Variants in CNTN4 observed in about 807,000 individuals in gnomAD.
CNTN4 encodes the protein contactin 4.
In CNTN4, 77 loss-of-function variants were observed where a neutral mutation model predicts 122.5. The ratio of observed to expected loss-of-function variants is 0.63; its 90% CI spans 0.52 to 0.76. The LOEUF is 0.76. CNTN4 is among the 30% of genes least tolerant of loss of function. The pLI is 0.00. For missense variants in CNTN4, 1,256 were observed against 1,259.1 expected, an observed-to-expected ratio of 1.00 and a Z score of 0.04; for synonymous variants, 512 against 447.0, an observed-to-expected ratio of 1.15 and a Z score of -1.83.
intron 3 of CNTN4, among the ~76,000 whole-genome samples, chr3:2,571,077 G>C (rs1293099948): frequency 4.6e-5 from 7 of 151,840 alleles, no homozygotes; most frequent in Non-Finnish European, 1.0e-4. Context: ...TAACTAATTG[G>C]AAAATAAATA....
At chr3:2,225,448 G>T (rs966457861) in intron 2 of CNTN4, among the ~76,000 whole-genome samples, 2 of 152,020 alleles carry the variant, frequency 1.3e-5, no homozygotes, top group African/African-American at 4.8e-5. Context: ...GGGTGGCAGA[G>T]CTTGCAGTGA....
At chr3:2,455,391 A>G (rs2048962946) in intron 3 of CNTN4, among the ~76,000 whole-genome samples, 1 of 152,164 alleles carries the variant, frequency 6.6e-6, no homozygotes, top group Non-Finnish European at 1.5e-5. Context: ...CAGAGAGGAC[A>G]ATATAAATAA....
intron 2 of CNTN4, among the ~76,000 whole-genome samples, chr3:2,285,905 G>A (rs2041882968): frequency 6.6e-6 from 1 of 151,954 alleles, no homozygotes; most frequent in Non-Finnish European, 1.5e-5. Flanking sequence ...TATTCCATTT[G>A]TAGATGTATG....
At chr3:2,297,268 T>A (rs2042347650) in intron 2 of CNTN4, among the ~76,000 whole-genome samples, 1 of 152,226 alleles carries the variant, frequency 6.6e-6, no homozygotes, top group African/African-American at 2.4e-5. Context: ...CTAAAAGGAA[T>A]GCAGGACAGA....
At chr3:2,397,035 T>C (rs2046667325) in intron 3 of CNTN4, among the ~76,000 whole-genome samples, 1 of 152,164 alleles carries the variant, frequency 6.6e-6, no homozygotes, top group Non-Finnish European at 1.5e-5. Flanking sequence ...GTTTTGATTG[T>C]TTTGAAGGAT....
Position 2,781,962 on chromosome 3 carries a change from A to G in CNTN4, c.358+36265A>G, listed in dbSNP as rs577301922. Among the ~76,000 whole-genome samples the G allele has an allele frequency of 2.7e-5, 4 of 149,758 alleles. No homozygotes were observed. The South Asian group carries it at 6.4e-4, about 24-fold the overall frequency. On this transcript the variant is annotated intron_variant, in intron 6 of 24. Transcript: ENST00000418658. ...ATGGTCTCGATCTCCTGACCTCGTG[A>G]TCCCCCCGCCTCGGCCTCCCAAAGT...
intron 2 of CNTN4, among the ~76,000 whole-genome samples, chr3:2,140,540 G>A (rs899659535): frequency 6.6e-6 from 1 of 152,120 alleles, no homozygotes; most frequent in Non-Finnish European, 1.5e-5. Context: ...TCTCACATGG[G>A]TATAGGAGGT....
intron 7 of CNTN4, among the ~76,000 whole-genome samples, chr3:2,830,816 G>A (rs1300136243): frequency 6.6e-6 from 1 of 152,176 alleles, no homozygotes. Context: ...TTTTAGCAAT[G>A]AATAGGTATT....
rs2125935693 is a variant in CNTN4 at position 3,057,592 on chromosome 3, A to G, written c.*1372A>G. On this transcript the variant is annotated 3_prime_UTR_variant, in exon 25 of 25. Coordinates refer to ENST00000418658, the MANE Select transcript of CNTN4 (RefSeq NM_175607.3). Reference sequence around the variant, plus strand: ...ATGCTGCCACCTTTTCTTCTTTCTCAGAGAACTCAAATTTGCTATAGTTTG... The same window carrying G: ...ATGCTGCCACCTTTTCTTCTTTCTCGGAGAACTCAAATTTGCTATAGTTTG... 6.5e-6 allele frequency: 1 copy of G among 152,796 alleles called. No homozygotes were observed. Among genetic ancestry groups the G allele is most frequent in the East Asian group, 1.9e-4 (1 of 5,188 alleles). The allele number at this position is 152,796 out of a possible 1,614,324, so 9.5% of individuals were successfully genotyped here.
At chr3:2,124,609 GACA>G (rs940189101) in intron 2 of CNTN4, among the ~76,000 whole-genome samples, 6 of 151,666 alleles carry the variant, frequency 4.0e-5, no homozygotes, top group African/African-American at 7.3e-5. Context: ...CAACAACAAT[GACA>G]ACAACAACAA....
chr3:2,134,799 G>T (rs144940993), intron 2 of CNTN4, among the ~76,000 whole-genome samples: 2 of 152,354 alleles, frequency 1.3e-5, no homozygotes, highest in Admixed American at 6.5e-5. Flanking sequence ...CGGCAGTCAT[G>T]TGGGAGTTTT....
intron 7 of CNTN4, among the ~76,000 whole-genome samples, chr3:2,842,316 A>T (rs1028497093): frequency 6.6e-6 from 1 of 152,146 alleles, no homozygotes; most frequent in African/African-American, 2.4e-5. Flanking sequence ...TTTCCCACTC[A>T]ACCCAAACAC....
intron 6 of CNTN4, among the ~76,000 whole-genome samples, chr3:2,770,282 C>T (rs927823810): frequency 4.1e-4 from 62 of 152,334 alleles, no homozygotes; most frequent in African/African-American, 1.5e-3. Flanking sequence ...CCTGCCTCAG[C>T]CTCCCAAAGT....
chr3:2,751,478 C>T (rs1268407424), intron 6 of CNTN4, among the ~76,000 whole-genome samples: 1 of 152,116 alleles, frequency 6.6e-6, no homozygotes, highest in Non-Finnish European at 1.5e-5. Context: ...CCTCCCCAAC[C>T]TTCATTCACT....
chr3:2,341,547 G>T (rs1027653961), intron 3 of CNTN4, among the ~76,000 whole-genome samples: 7 of 152,306 alleles, frequency 4.6e-5, no homozygotes, highest in Admixed American at 3.9e-4. Context: ...TGGACTGAAA[G>T]GCAGGAGGTA....
chr3:2,235,293 A>T (rs755233604), intron 2 of CNTN4, among the ~76,000 whole-genome samples: 65 of 152,154 alleles, frequency 4.3e-4, no homozygotes, highest in Non-Finnish European at 1.2e-4. Context: ...ATAACCTAAA[A>T]ACTATTTAGG....
chr3:2,381,578 G>T (rs910228098), intron 3 of CNTN4, among the ~76,000 whole-genome samples: 1 of 152,162 alleles, frequency 6.6e-6, no homozygotes, highest in Non-Finnish European at 1.5e-5. Flanking sequence ...GCGCTTAGGA[G>T]AATATCTGGC....
intron 4 of CNTN4, among the ~76,000 whole-genome samples, chr3:2,648,723 A>C (rs1388117673): frequency 6.6e-6 from 1 of 152,202 alleles, no homozygotes; most frequent in Non-Finnish European, 1.5e-5. Flanking sequence ...GAAGAAGCGT[A>C]CATCTTTCAC....
chr3:3,054,254 G>C (rs1236064695), intron 24 of CNTN4, among the ~76,000 whole-genome samples: 1 of 152,178 alleles, frequency 6.6e-6, no homozygotes, highest in Non-Finnish European at 1.5e-5. Flanking sequence ...TGTGTAGTTT[G>C]CATTGCATCT....
Sources: gnomAD v4.1 joint callset for allele counts (sites outside exome capture counted in the v4.1 genomes callset) on GRCh38, gnomAD v4.1.1 for gene constraint, MANE v1.5 for transcripts, NCBI Gene and HGNC (gene_info 2026-07-23, HGNC 2026-07-21) for gene names.